Variants in FRMPD4 observed in about 807,000 individuals in gnomAD.
FRMPD4 encodes FERM and PDZ domain-containing protein 4.
FRMPD4 carries 22 observed loss-of-function variants against 94.1 expected under a neutral mutation model. The observed-to-expected ratio is 0.23, with a 90% CI of 0.17 to 0.33. The LOEUF (loss-of-function observed/expected upper bound fraction) is 0.33, where lower values mean the gene tolerates loss of function less well. Ranked by LOEUF, FRMPD4 falls within the 10% of genes least tolerant of loss-of-function variation. FRMPD4 has a pLI of 1.00. For missense variants in FRMPD4, 1,111 were observed against 1,339.9 expected (o/e 0.83, Z 2.67); for synonymous variants, 631 against 548.6 (o/e 1.15, Z -2.10).
chrX:12,170,989 G>A (rs976554815), intron 1 of FRMPD4, among the ~76,000 whole-genome samples: 5 of 113,482 alleles, frequency 4.4e-5, no homozygotes, highest in African/African-American at 1.6e-4. Flanking sequence ...AGCGCACTGC[G>A]CTTAAGAGAA....
chrX:11,844,031 A>C (rs1601798420), intron 1 of FRMPD4, among the ~76,000 whole-genome samples: 1 of 88,835 alleles, frequency 1.1e-5, no homozygotes, highest in Admixed American at 1.5e-4. Context: ...TCTGTTGCCC[A>C]GGCTGGAGTA....
At chrX:12,279,861 T>G (rs932733673) in intron 1 of FRMPD4, among the ~76,000 whole-genome samples, 5 of 110,881 alleles carry the variant, frequency 4.5e-5, no homozygotes, top group Admixed American at 1.9e-4. Flanking sequence ...AGGAGCACCA[T>G]GGCCATGAAC....
At chrX:12,508,344 A>G (rs974170940) in intron 2 of FRMPD4, among the ~76,000 whole-genome samples, 1 of 110,955 alleles carries the variant, frequency 9.0e-6, no homozygotes, top group Non-Finnish European at 1.9e-5. Context: ...GCATTCCTAC[A>G]TAAAACCCCC....
At chrX:12,538,538 C>T (rs1160705887) in intron 2 of FRMPD4, among the ~76,000 whole-genome samples, 1 of 111,682 alleles carries the variant, frequency 9.0e-6, no homozygotes, top group African/African-American at 3.3e-5. Context: ...TCAAGTGGGT[C>T]CCTGTCCCCC....
At chrX:12,350,081 CAG>C (rs1319334779) in intron 1 of FRMPD4, among the ~76,000 whole-genome samples, 1 of 111,027 alleles carries the variant, frequency 9.0e-6, no homozygotes, top group Non-Finnish European at 1.9e-5. Flanking sequence ...ACACATGAAA[CAG>C]ATGTTTGAAC....
chrX:12,391,311 G>A (rs1302530994), intron 1 of FRMPD4, among the ~76,000 whole-genome samples: 3 of 111,786 alleles, frequency 2.7e-5, no homozygotes, highest in African/African-American at 9.8e-5. Context: ...TTCTCCAGGG[G>A]CAATGTCCCA....
intron 1 of FRMPD4, among the ~76,000 whole-genome samples, chrX:12,227,260 G>A (rs778175123): frequency 9.0e-6 from 1 of 110,676 alleles, no homozygotes; most frequent in East Asian, 2.9e-4. Context: ...GTAGTGTATC[G>A]CCAGAACTTA....
At chrX:12,012,159 A>G (rs1219704643) in intron 3 of FRMPD4, among the ~76,000 whole-genome samples, 1 of 111,608 alleles carries the variant, frequency 9.0e-6, no homozygotes, top group Non-Finnish European at 1.9e-5. Context: ...TTGGCCTCCC[A>G]AAGTGCTGGG....
At chrX:12,251,137 G>A (rs899917242) in intron 1 of FRMPD4, among the ~76,000 whole-genome samples, 1 of 112,119 alleles carries the variant, frequency 8.9e-6, no homozygotes, top group Admixed American at 9.4e-5. Context: ...CTTGAAGACC[G>A]AGGAGATCCA....
intron 9 of FRMPD4, among the ~76,000 whole-genome samples, chrX:12,696,356 A>G (rs1417876573): frequency 3.6e-5 from 4 of 111,148 alleles, no homozygotes; most frequent in African/African-American, 1.3e-4. Flanking sequence ...TCCCAAAGGG[A>G]ATTTATCCAA....
At chrX:12,698,870 A>G (rs770922056) in intron 9 of FRMPD4, among the ~76,000 whole-genome samples, 19 of 111,362 alleles carry the variant, frequency 1.7e-4, no homozygotes, top group Non-Finnish European at 2.6e-4. Context: ...TTGCGAGTTC[A>G]TTGCTAACTC....
At chrX:11,866,894 A>G (rs1209096771) in intron 2 of FRMPD4, among the ~76,000 whole-genome samples, 2 of 111,556 alleles carry the variant, frequency 1.8e-5, no homozygotes, top group African/African-American at 6.5e-5. Context: ...AATAGTTAAC[A>G]GTAATGGATG....
intron 1 of FRMPD4, among the ~76,000 whole-genome samples, chrX:12,342,009 A>G (rs1165769071): frequency 8.9e-6 from 1 of 111,904 alleles, no homozygotes; most frequent in Non-Finnish European, 1.9e-5. Flanking sequence ...CAAATCTCCT[A>G]TATCTTTTAG....
At chrX:12,012,537 A>G (rs2054586315) in intron 3 of FRMPD4, among the ~76,000 whole-genome samples, 1 of 111,801 alleles carries the variant, frequency 8.9e-6, no homozygotes, top group Admixed American at 9.5e-5. Flanking sequence ...TCGTTATGGT[A>G]CTAGAAACCA....
At chrX:12,558,220 T>C (rs997066205) in intron 2 of FRMPD4, among the ~76,000 whole-genome samples, 1 of 112,778 alleles carries the variant, frequency 8.9e-6, no homozygotes, top group African/African-American at 3.2e-5. Context: ...CAGTGAAAAC[T>C]GTACGTGTTT....
Position 11,906,088 on chromosome X carries a change from G to A in FRMPD4, c.95+28070G>A, listed in dbSNP as rs772595355. Among the ~76,000 whole-genome samples the A allele has an allele frequency of 5.7e-3, 616 of 108,959 alleles. 5 individuals are homozygous for A. The highest frequency in any genetic ancestry group is 0.029 in the Middle Eastern group (6 of 209). 94.6% of individuals were successfully genotyped at this position (108,959 alleles called of 115,157 possible). ...CATAGTCTTGCCTTTTCTAGCATGT[G>A]AAATGAATAGCTTCAGTTTCCCTTC... On this transcript the variant is annotated intron_variant, in intron 3 of 18. Transcript: ENST00000640291.
intron 3 of FRMPD4, among the ~76,000 whole-genome samples, chrX:11,992,491 T>C (rs1432712555): frequency 9.0e-6 from 1 of 111,657 alleles, no homozygotes; most frequent in East Asian, 2.8e-4. Flanking sequence ...GATGCCTGCA[T>C]TCCCTGGATG....
At chrX:12,306,097 A>T (rs2054937829) in intron 1 of FRMPD4, among the ~76,000 whole-genome samples, 1 of 105,926 alleles carries the variant, frequency 9.4e-6, no homozygotes, top group Admixed American at 1.1e-4. Context: ...AAAAAAAAAA[A>T]CAAAACCCCC....
intron 3 of FRMPD4, among the ~76,000 whole-genome samples, chrX:12,069,408 G>T (rs189788565): frequency 1.0e-3 from 114 of 111,691 alleles, no homozygotes; most frequent in Non-Finnish European, 1.8e-3. Flanking sequence ...AGGCAGCAAG[G>T]GTGGAAGCAG....
Sources: gnomAD v4.1 joint callset for allele counts (sites outside exome capture counted in the v4.1 genomes callset) on GRCh38, gnomAD v4.1.1 for gene constraint, MANE v1.5 for transcripts, NCBI Gene and HGNC (gene_info 2026-07-23, HGNC 2026-07-21) for gene names.